SETD2: variants seen among roughly 807,000 people sequenced by gnomAD.
The protein encoded by SETD2 is histone-lysine N-methyltransferase SETD2.
In SETD2, 31 loss-of-function variants were observed where a neutral mutation model predicts 242.1. The ratio of observed to expected loss-of-function variants is 0.13; its 90% CI spans 0.10 to 0.17. The LOEUF (loss-of-function observed/expected upper bound fraction) is 0.17, where lower values mean the gene tolerates loss of function less well. SETD2 is among the 10% of genes least tolerant of loss of function. SETD2 has a pLI of 1.00. For missense variants in SETD2, 2,481 were observed against 3,046.3 expected (o/e 0.81, Z 4.37); for synonymous variants, 1,006 against 1,066.5 (o/e 0.94, Z 1.11).
rs1470108780 is a variant in SETD2 at position 47,164,064 on chromosome 3, ACCTCGCTCGTCGCTC to A, written c.-155_-141del. 35 of 1,199,434 alleles carry A rather than the reference ACCTCGCTCGTCGCTC, an allele frequency of 2.9e-5. No individual in the cohort carries two copies. Among genetic ancestry groups the A allele is most frequent in the Non-Finnish European group, 3.6e-5 (35 of 961,732 alleles). The allele number at this position is 1,199,434 out of a possible 1,614,324, so 74.3% of individuals were successfully genotyped here. Reference sequence around the variant, plus strand: ...GGCGGCAGGGGCGGCCCGCGTCGCTACCTCGCTCGTCGCTCCCTCCCTCCCTCGGACGCCCGCCAG... The same window carrying A: ...GGCGGCAGGGGCGGCCCGCGTCGCTACCTCCCTCCCTCGGACGCCCGCCAG... On this transcript the variant is annotated 5_prime_UTR_variant, in exon 1 of 21. Coordinates refer to ENST00000409792, the MANE Select transcript of SETD2 (RefSeq NM_014159.7). This position sits in a 1 kb window ranked among gnomAD's most constrained non-coding sequence, Gnocchi z 5.4.
At chr3:47,160,100 CCT>C (rs1353265764) in intron 1 of SETD2, among the ~76,000 whole-genome samples, 54 of 152,182 alleles carry the variant, frequency 3.5e-4, no homozygotes, top group Non-Finnish European at 2.9e-5. Context: ...GAAACTATTC[CCT>C]CTTATTGAAA....
intron 1 of SETD2, among the ~76,000 whole-genome samples, chr3:47,149,946 C>T (rs1324166363): frequency 6.6e-6 from 1 of 151,428 alleles, no homozygotes; most frequent in Non-Finnish European, 1.5e-5. Context: ...TATCAGCTAC[C>T]CTAGAGAAGA....
rs113329240 is a variant in SETD2 at position 47,072,946 on chromosome 3, CA to C, written c.6061-5829del. 4.5e-3 allele frequency among the ~76,000 whole-genome samples: 353 copies of C among 77,988 alleles called. 1 individual carries two copies. Among genetic ancestry groups the C allele is most frequent in the African/African-American group, 0.015 (296 of 20,114 alleles). The allele number at this position is 77,988 out of a possible 152,430, so 51.2% of individuals were successfully genotyped here. On this transcript the variant is annotated intron_variant, in intron 12 of 20. Coordinates refer to ENST00000409792, the MANE Select transcript of SETD2 (RefSeq NM_014159.7). ...TGGGTGACAGAGCGAGACTCCATCT[CA>C]AAAAAAAAAAGAAAGAAAGAAAGAA...
chr3:47,090,733 A>C (rs550959052), intron 9 of SETD2, among the ~76,000 whole-genome samples: 1 of 152,346 alleles, frequency 6.6e-6, no homozygotes, highest in Non-Finnish European at 1.5e-5. Flanking sequence ...TAACAGAATA[A>C]AATTCAGATA....
chr3:47,121,951 T>C lies in SETD2; in HGVS notation c.2685A>G (p.Leu895=), dbSNP rs1456888374. ...TGTTCTCTCCGCATTTCAAGAGAGTTAGACTGTCCACCTTTATTCCTGGTG... is the reference window on the plus strand; with the variant it reads ...TGTTCTCTCCGCATTTCAAGAGAGTCAGACTGTCCACCTTTATTCCTGGTG... ...SLPPGIKVDS[L]TLLKCGENTS... is the part of the protein sequence containing the mutation. The change falls in exon 3 of 21, where the codon CTA becomes CTG. Residue 895 remains leucine (L), a synonymous_variant. Transcript: ENST00000409792. 3 of 1,614,056 alleles carry C rather than the reference T, an allele frequency of 1.9e-6. No individual in the cohort carries two copies. Among genetic ancestry groups the C allele is most frequent in the East Asian group, 2.2e-5 (1 of 44,874 alleles).
At chr3:47,068,484 A>G (rs1043957390) in intron 12 of SETD2, among the ~76,000 whole-genome samples, 7 of 147,170 alleles carry the variant, frequency 4.8e-5, no homozygotes, top group African/African-American at 1.8e-4. Flanking sequence ...AACATTTCAA[A>G]TACACTATCT....
At chr3:47,022,206 C>CACAT (rs891955052) in intron 18 of SETD2, among the ~76,000 whole-genome samples, 6 of 142,506 alleles carry the variant, frequency 4.2e-5, no homozygotes, top group Non-Finnish European at 6.4e-5. Context: ...CACACACACA[C>CACAT]ACACACACAC....
In SETD2 at chr3:47,108,651, C is replaced by T. The variant is rs116390459; in HGVS notation, c.4716-2531G>A. Among the ~76,000 whole-genome samples, 1,039 of 152,222 alleles carry T rather than the reference C, an allele frequency of 6.8e-3. 11 individuals are homozygous for T. The highest frequency in any genetic ancestry group is 0.024 in the African/African-American group (978 of 41,512). On this transcript the variant is annotated intron_variant, in intron 5 of 20. Coordinates refer to ENST00000409792, the MANE Select transcript of SETD2 (RefSeq NM_014159.7). ...AGTAAATCACTCAGAGTAGAGACCCCACATCAGGAAGTTGGAAGGATATAC... is the reference window on the plus strand; with the variant it reads ...AGTAAATCACTCAGAGTAGAGACCCTACATCAGGAAGTTGGAAGGATATAC...
chr3:47,098,175 A>C (rs2042079081), intron 8 of SETD2, 94 bp from the exon 9 acceptor site: 3 of 1,294,566 alleles, frequency 2.3e-6, no homozygotes, highest in Non-Finnish European at 3.2e-6. Flanking sequence ...AGTCTAAACA[A>C]AATCAAACAA....
Position 47,017,785 on chromosome 3 carries a change from G to A in SETD2, c.7432-46C>T, listed in dbSNP as rs1308293931. 3.0e-6 allele frequency: 4 copies of A among 1,333,388 alleles called. No homozygotes were observed. Among genetic ancestry groups the A allele is most frequent in the Non-Finnish European group, 4.3e-6 (4 of 924,074 alleles). 82.6% of individuals were successfully genotyped at this position (1,333,388 alleles called of 1,614,324 possible). On this transcript the variant is annotated intron_variant, in intron 19 of 20. Transcript: ENST00000409792. The surrounding 1 kb of genome is among the most constrained non-coding windows in gnomAD (Gnocchi z 4.8). ...ACACGTTGCTCAACAGTCCAGAGAG[G>A]GCAAGGAGTTGTACTGAGGAAATAA...
chr3:47,121,088 T>A lies in SETD2; in HGVS notation c.3548A>T (p.His1183Leu), dbSNP rs2106639695. 2 of 1,614,058 alleles carry A rather than the reference T, an allele frequency of 1.2e-6. No homozygotes were observed. Among genetic ancestry groups the A allele is most frequent in the Non-Finnish European group, 1.7e-6 (2 of 1,179,958 alleles). The part of the protein sequence containing the change: ...HTDVKSDPLG[H>L]PNSEETVKAK... Reference sequence around the variant, plus strand: ...TTTCACGGTTTCCTCTGAATTTGGGTGACCCAGAGGGTCAGATTTCACATC... The same window carrying A: ...TTTCACGGTTTCCTCTGAATTTGGGAGACCCAGAGGGTCAGATTTCACATC... Residue 1183 changes from histidine to leucine, a missense_variant, in exon 3 of 21, where the codon CAC (histidine) becomes CTC (leucine). By Grantham distance (99) the His-to-Leu change is moderately conservative (BLOSUM62 -3). Around this residue, in one of 17 missense-constraint regions of SETD2, gnomAD observed 1,300 missense variants for 1,259.2 expected, o/e 1.03. Coordinates refer to ENST00000409792, the MANE Select transcript of SETD2 (RefSeq NM_014159.7).
At chr3:47,099,633 A>C (rs1294404626) in intron 8 of SETD2, among the ~76,000 whole-genome samples, 2 of 152,178 alleles carry the variant, frequency 1.3e-5, no homozygotes, top group Non-Finnish European at 2.9e-5. Context: ...TTTCTGAGAC[A>C]GGGTCTTGTG....
chr3:47,154,176 C>A (rs144229657), intron 1 of SETD2, among the ~76,000 whole-genome samples: 5,639 of 152,060 alleles, frequency 0.037, 351 homozygotes, highest in African/African-American at 0.13. Context: ...TTTGGGAGGC[C>A]AAGGAGGGCG....
intron 18 of SETD2, among the ~76,000 whole-genome samples, chr3:47,037,059 C>CTTTTT (rs10536067): frequency 4.2e-5 from 3 of 71,716 alleles, no homozygotes; most frequent in Non-Finnish European, 7.7e-5. Context: ...AAAGGCCATT[C>CTTTTT]TTTTTTTTTT....
chr3:47,131,405 G>A (rs1440260996), intron 1 of SETD2, among the ~76,000 whole-genome samples: 2 of 152,004 alleles, frequency 1.3e-5, no homozygotes, highest in African/African-American at 4.8e-5. Context: ...GTGCAGTGGC[G>A]CGATCTCAGC....
intron 5 of SETD2, 37 bp downstream of exon 5, chr3:47,113,838 CA>C (rs35423105): frequency 7.5e-6 from 12 of 1,597,238 alleles, no homozygotes; most frequent in Admixed American, 1.8e-5. Flanking sequence ...GACCTTGTCT[CA>C]AAAAAGGAAG....
At chr3:47,162,663 A>AAT (rs1158601219) in intron 1 of SETD2, among the ~76,000 whole-genome samples, 2 of 152,210 alleles carry the variant, frequency 1.3e-5, no homozygotes, top group East Asian at 3.8e-4. Context: ...ACCTAAGGTA[A>AAT]AATGTGTCAA....
At chr3:47,025,118 C>G (rs2107505296) in intron 18 of SETD2, among the ~76,000 whole-genome samples, 1 of 152,318 alleles carries the variant, frequency 6.6e-6, no homozygotes, top group South Asian at 2.1e-4. Flanking sequence ...ATTTGCCTGC[C>G]TAGCAGCCAC....
intron 18 of SETD2, among the ~76,000 whole-genome samples, chr3:47,027,787 T>TG (rs2038565022): frequency 1.3e-5 from 2 of 149,390 alleles, no homozygotes; most frequent in South Asian, 2.1e-4. Context: ...TGCTGGTTTT[T>TG]TTTTTTGTTT....
Sources: gnomAD v4.1 joint callset for allele counts (sites outside exome capture counted in the v4.1 genomes callset) on GRCh38, gnomAD v4.1.1 for gene constraint, gnomAD v4.1.1 regional missense constraint, Gnocchi (gnomAD v3.1) non-coding constraint, MANE v1.5 for transcripts, NCBI Gene and HGNC (gene_info 2026-07-23, HGNC 2026-07-21) for gene names.